Variants in EFCAB13 observed in about 807,000 individuals in gnomAD.
EFCAB13 encodes the protein EF-hand calcium-binding domain-containing protein 13.
EFCAB13 carries 91 observed loss-of-function variants against 110.2 expected under a neutral mutation model. That is an observed-to-expected ratio of 0.83 (90% CI 0.70 to 0.98). The LOEUF (loss-of-function observed/expected upper bound fraction) is 0.98. Among genes scored for constraint, EFCAB13 ranks in the 50% least tolerant of loss-of-function variants. The pLI, the probability that EFCAB13 is intolerant of heterozygous loss-of-function variation, is 0.00. For missense variants in EFCAB13, 968 were observed against 1,119.4 expected (o/e 0.86, Z 1.93); for synonymous variants, 323 against 369.9 (o/e 0.87, Z 1.45).
chr17:47,392,732 A>G (rs559235685), intron 15 of EFCAB13, among the ~76,000 whole-genome samples: 3 of 152,362 alleles, frequency 2.0e-5, no homozygotes, highest in African/African-American at 7.2e-5. Flanking sequence ...TCCGTATTCA[A>G]TAATTTCCAG....
chr17:47,430,071 G>A (rs1598768413), intron 24 of EFCAB13, 110 bp downstream of exon 24: 40 of 1,398,458 alleles, frequency 2.9e-5, no homozygotes, highest in Non-Finnish European at 3.5e-5. Context: ...AAGCTGAGGT[G>A]GGATGACTGC....
chr17:47,343,597 C>T (rs2065397937), intron 6 of EFCAB13, among the ~76,000 whole-genome samples: 1 of 152,096 alleles, frequency 6.6e-6, no homozygotes, highest in South Asian at 2.1e-4. Flanking sequence ...AAACTCAATG[C>T]TCAGGGTTCC....
rs936665823 is a variant in EFCAB13 at position 47,394,012 on chromosome 17, C to T, written c.1727-13C>T. The T allele has an allele frequency of 1.3e-6, 2 of 1,508,894 alleles. No individual in the cohort carries two copies. The highest frequency in any genetic ancestry group is 1.8e-6 in the Non-Finnish European group (2 of 1,122,872). The allele number at this position is 1,508,894 out of a possible 1,614,324, so 93.5% of individuals were successfully genotyped here. On this transcript the variant is annotated splice_polypyrimidine_tract_variant and intron_variant, in intron 15 of 24. Coordinates refer to ENST00000331493, the MANE Select transcript of EFCAB13 (RefSeq NM_152347.5). ...TAAAAGATGCCAAAAAAATGTGTTT[C>T]TTTTTCCTGTAGAAACAAAAAAAGT...
rs895998563 is a variant in EFCAB13 at position 47,336,580 on chromosome 17, C to T, written c.191+1224C>T. ...TGCTGGGATTATAGGCGTGAGCCACCGCACCTGGCCAATTTTTTTTTTTTT... is the reference window on the plus strand; with the variant it reads ...TGCTGGGATTATAGGCGTGAGCCACTGCACCTGGCCAATTTTTTTTTTTTT... On this transcript the variant is annotated intron_variant, in intron 5 of 24. Transcript: ENST00000331493. Among the ~76,000 whole-genome samples the T allele has an allele frequency of 2.7e-5, 4 of 148,482 alleles. No individual in the cohort carries two copies. In the East Asian group the frequency reaches 6.0e-4, roughly 22 times the overall value.
At chr17:47,390,564 A>G (rs1159790000) in intron 14 of EFCAB13, among the ~76,000 whole-genome samples, 2 of 152,198 alleles carry the variant, frequency 1.3e-5, no homozygotes, top group African/African-American at 4.8e-5. Flanking sequence ...AAATTTATGA[A>G]GAGTAAATTC....
At chr17:47,348,017 T>C in intron 9 of EFCAB13, 66 bp downstream of exon 9, 1 of 1,230,360 alleles carries the variant, frequency 8.1e-7, no homozygotes, top group Non-Finnish European at 1.1e-6. Context: ...TCAGATTAAT[T>C]ACAAATGATA....
chr17:47,338,394 T>A (rs1226880593), intron 5 of EFCAB13, among the ~76,000 whole-genome samples: 1 of 151,856 alleles, frequency 6.6e-6, no homozygotes, highest in Non-Finnish European at 1.5e-5. Flanking sequence ...GGATTGCAGG[T>A]GTGCACCACC....
chr17:47,375,065 C>G (rs1341428246), intron 12 of EFCAB13, 99 bp downstream of exon 12: 3 of 1,252,358 alleles, frequency 2.4e-6, no homozygotes, highest in Non-Finnish European at 3.2e-6. Flanking sequence ...TTGTTAACAC[C>G]CTGGGTAACC....
intron 24 of EFCAB13, among the ~76,000 whole-genome samples, chr17:47,434,618 G>T (rs563197018): frequency 1.3e-4 from 20 of 152,226 alleles, no homozygotes; most frequent in African/African-American, 4.6e-4. Context: ...CAAATCTGGA[G>T]CATCACATTA....
At position 47,365,224 on chromosome 17, in the gene EFCAB13, A is replaced by G. The variant is rs558085554; in HGVS notation, c.805+3703A>G. Among the ~76,000 whole-genome samples the G allele has an allele frequency of 2.0e-5, 3 of 152,350 alleles. No homozygotes were observed. The East Asian group carries it at 5.8e-4, about 29-fold the overall frequency. Reference sequence around the variant, plus strand: ...CTTCAGTACCTAGCGTGGTGCTTATAGCACATATTAACCGCTCAACAAATA... The same window carrying G: ...CTTCAGTACCTAGCGTGGTGCTTATGGCACATATTAACCGCTCAACAAATA... On this transcript the variant is annotated intron_variant, in intron 10 of 24. Coordinates refer to ENST00000331493, the MANE Select transcript of EFCAB13 (RefSeq NM_152347.5).
chr17:47,405,172 T>C (rs1040075674), intron 20 of EFCAB13, among the ~76,000 whole-genome samples: 4 of 152,218 alleles, frequency 2.6e-5, no homozygotes, highest in Non-Finnish European at 5.9e-5. Context: ...CATAATGTTA[T>C]ACTAGAGGAA....
intron 23 of EFCAB13, among the ~76,000 whole-genome samples, chr17:47,421,026 G>T (rs1054756001): frequency 2.7e-5 from 4 of 150,720 alleles, no homozygotes; most frequent in African/African-American, 7.3e-5. Flanking sequence ...GAGGTGGGGG[G>T]GTCAGCCCCC....
chr17:47,375,016 C>A (rs2143362981), intron 12 of EFCAB13, 50 bp downstream of exon 12: 1 of 1,486,722 alleles, frequency 6.7e-7, no homozygotes, highest in South Asian at 1.5e-5. Flanking sequence ...CAGAAATGAA[C>A]AGAATGAATC....
At chr17:47,422,988 T>C (rs1346931266) in intron 23 of EFCAB13, among the ~76,000 whole-genome samples, 4 of 152,212 alleles carry the variant, frequency 2.6e-5, no homozygotes, top group East Asian at 3.8e-4. Context: ...AACAAAGTTA[T>C]AAAGTTGCAA....
At chr17:47,362,629 G>A (rs1048916546) in intron 10 of EFCAB13, among the ~76,000 whole-genome samples, 19 of 152,214 alleles carry the variant, frequency 1.2e-4, no homozygotes, top group African/African-American at 4.3e-4. Flanking sequence ...CTGTGGTGTT[G>A]TGCTTCAGTG....
At position 47,327,358 on chromosome 17, in the gene EFCAB13, T is replaced by A. The variant is rs190578601; in HGVS notation, c.-85-911T>A. Among the ~76,000 whole-genome samples the A allele has an allele frequency of 5.4e-3, 814 of 150,718 alleles. 8 individuals carry two copies. The highest frequency in any genetic ancestry group is 0.019 in the African/African-American group (764 of 40,894). On this transcript the variant is annotated intron_variant, in intron 3 of 24. Coordinates refer to ENST00000331493, the MANE Select transcript of EFCAB13 (RefSeq NM_152347.5). ...TTTTGTATTTTCAGTAGAGACGGGG[T>A]TTCATCATCTTGGCCAGGCTGGTCT...
At chr17:47,404,512 A>G in intron 19 of EFCAB13, 50 bp from the exon 20 acceptor site, 1 of 1,401,912 alleles carries the variant, frequency 7.1e-7, no homozygotes, top group Non-Finnish European at 1.0e-6. Context: ...GCCTTTAAGT[A>G]TTACTTTGTC....
intron 14 of EFCAB13, among the ~76,000 whole-genome samples, chr17:47,383,677 A>C (rs2065659090): frequency 6.6e-6 from 1 of 152,112 alleles, no homozygotes; most frequent in Admixed American, 6.5e-5. Context: ...GCATTTGCTG[A>C]GGAGTATTTT....
rs150041083 is a variant in EFCAB13 at position 47,390,914 on chromosome 17, G to GTCTTATCTATCTGTCTGTCTATCTA, written c.1583-520_1583-519insTATCTATCTGTCTGTCTATCTATCT. 4.7e-5 allele frequency among the ~76,000 whole-genome samples: 7 copies of GTCTTATCTATCTGTCTGTCTATCTA among 150,264 alleles called. No homozygotes were observed. The East Asian group carries it at 1.2e-3, about 25-fold the overall frequency. On this transcript the variant is annotated intron_variant, in intron 14 of 24. Transcript: ENST00000331493. The stretch of plus-strand genomic sequence containing the variant: ...TATATATGTGTATGTGTGTCTGTCT[G>GTCTTATCTATCTGTCTGTCTATCTA]TCTATCTATCTATCTGTCTATCTAT...
Sources: gnomAD v4.1 joint callset for allele counts (sites outside exome capture counted in the v4.1 genomes callset) on GRCh38, gnomAD v4.1.1 for gene constraint, MANE v1.5 for transcripts, NCBI Gene and HGNC (gene_info 2026-07-23, HGNC 2026-07-21) for gene names.